RBFOX1: variants seen among roughly 807,000 people sequenced by gnomAD.
RBFOX1 encodes the protein RNA binding fox-1 homolog 1, also known as RNA binding protein fox-1 homolog 1.
A neutral mutation model predicts 57.7 loss-of-function variants in RBFOX1; 8 were observed. That is an observed-to-expected ratio of 0.14 (90% CI 0.08 to 0.25). The LOEUF is 0.25. RBFOX1 is among the 10% of genes least tolerant of loss of function. RBFOX1 has a pLI of 1.00. For missense variants in RBFOX1, 611 were observed against 548.5 expected (o/e 1.11, Z -1.14); for synonymous variants, 326 against 222.4 (o/e 1.47, Z -4.15).
Position 6,868,287 on chromosome 16 carries a change from A to C in RBFOX1, c.-15-183770A>C, listed in dbSNP as rs144558722. On this transcript the variant is annotated intron_variant, in intron 3 of 15. Coordinates refer to ENST00000550418, the MANE Select transcript of RBFOX1 (RefSeq NM_018723.4). The stretch of plus-strand genomic sequence containing the variant: ...GGAAGTGGCTTATAAGAAGATGGAC[A>C]CAGAAAGTGGTTTGCTGAAGTAAGA... Among the ~76,000 whole-genome samples the C allele has an allele frequency of 5.5e-3, 833 of 152,298 alleles. 16 individuals carry two copies. Among genetic ancestry groups the C allele is most frequent in the African/African-American group, 0.019 (799 of 41,558 alleles).
intron 3 of RBFOX1, among the ~76,000 whole-genome samples, chr16:6,961,769 G>A (rs1420614115): frequency 6.6e-6 from 1 of 152,150 alleles, no homozygotes; most frequent in Non-Finnish European, 1.5e-5. Context: ...AATTGTCATG[G>A]CACTAGTGAG....
chr16:6,204,800 T>C (rs2097242787), intron 1 of RBFOX1, among the ~76,000 whole-genome samples: 1 of 152,074 alleles, frequency 6.6e-6, no homozygotes, highest in Non-Finnish European at 1.5e-5. Flanking sequence ...CAGCACGTTG[T>C]GTGTGTGTGC....
intron 1 of RBFOX1, among the ~76,000 whole-genome samples, chr16:6,232,883 C>A (rs1418143746): frequency 6.6e-6 from 1 of 152,148 alleles, no homozygotes; most frequent in Non-Finnish European, 1.5e-5. Context: ...CATGTAGCAT[C>A]CACATGTCCA....
intron 3 of RBFOX1, among the ~76,000 whole-genome samples, chr16:5,834,209 G>C (rs576838350): frequency 6.6e-6 from 1 of 152,148 alleles, no homozygotes; most frequent in Non-Finnish European, 1.5e-5. Context: ...AGCTTTTAGT[G>C]TACTTCTCAT....
intron 1 of RBFOX1, among the ~76,000 whole-genome samples, chr16:6,067,378 AC>A (rs1555495033): frequency 0.25 from 18,950 of 74,688 alleles, 1,425 homozygotes; most frequent in African/African-American, 0.27. Flanking sequence ...GCAAAAACAA[AC>A]CAACCAAACA....
chr16:7,681,483 TAAG>T (rs2074731372), intron 14 of RBFOX1, among the ~76,000 whole-genome samples: 2 of 152,150 alleles, frequency 1.3e-5, no homozygotes, highest in African/African-American at 4.8e-5. Flanking sequence ...GGCCTCAGAT[TAAG>T]TAGTAGAGAA....
intron 2 of RBFOX1, among the ~76,000 whole-genome samples, chr16:5,525,592 G>A (rs2044214630): frequency 6.8e-6 from 1 of 147,668 alleles, no homozygotes; most frequent in Non-Finnish European, 1.5e-5. Flanking sequence ...CCACCTCTCA[G>A]GTGAAAGCAA....
intron 4 of RBFOX1, among the ~76,000 whole-genome samples, chr16:5,954,724 C>T (rs918258419): frequency 1.3e-4 from 20 of 152,148 alleles, no homozygotes; most frequent in African/African-American, 4.3e-4. Context: ...GCTATTATTT[C>T]ATCTCTGCCA....
At position 6,281,404 on chromosome 16, in the gene RBFOX1, C is replaced by T. The variant is rs750694263; in HGVS notation, c.-126-35591C>T. Among the ~76,000 whole-genome samples the T allele has an allele frequency of 2.0e-5, 3 of 152,218 alleles. No individual in the cohort carries two copies. The South Asian group carries it at 6.2e-4, about 32-fold the overall frequency. On this transcript the variant is annotated intron_variant, in intron 1 of 15. Transcript: ENST00000550418. ...CAGCCAGGATTTTCCACACCAACTC[C>T]GGAGCCCACGCCTTGTAATACCACG...
chr16:5,553,937 T>TATAATA (rs1386601458), intron 2 of RBFOX1, among the ~76,000 whole-genome samples: 3 of 151,816 alleles, frequency 2.0e-5, no homozygotes, highest in Non-Finnish European at 4.4e-5. Context: ...AGACATGTCT[T>TATAATA]ATAATAATCA....
In RBFOX1 at chr16:5,651,117, A is replaced by G. The variant is rs185291968; in HGVS notation, c.318+52156A>G. 2.0e-4 allele frequency among the ~76,000 whole-genome samples: 24 copies of G among 118,732 alleles called. 1 individual carries two copies. Among genetic ancestry groups the G allele is most frequent in the African/African-American group, 7.7e-4 (23 of 29,694 alleles). 77.9% of individuals were successfully genotyped at this position (118,732 alleles called of 152,430 possible). On this transcript the variant is annotated intron_variant, in intron 3 of 19. Transcript: ENST00000641259. The stretch of plus-strand genomic sequence containing the variant: ...ACCCAGGCTGGAGTGCAGTGGCGTG[A>G]TCTCAGGTCACTGCAACCTCTGCCT...
chr16:6,166,761 C>T (rs76674548), intron 1 of RBFOX1, among the ~76,000 whole-genome samples: 9,876 of 152,002 alleles, frequency 0.065, 802 homozygotes, highest in African/African-American at 0.19. Context: ...TGCCCAGCCC[C>T]GTGGGGTTTT....
At chr16:7,666,488 A>G (rs1171216041) in intron 13 of RBFOX1, among the ~76,000 whole-genome samples, 5 of 152,156 alleles carry the variant, frequency 3.3e-5, no homozygotes, top group Non-Finnish European at 4.4e-5. Context: ...CAAACTGACA[A>G]TAATTTATTG....
At chr16:6,996,961 G>C (rs1476082717) in intron 3 of RBFOX1, among the ~76,000 whole-genome samples, 1 of 152,022 alleles carries the variant, frequency 6.6e-6, no homozygotes, top group East Asian at 1.9e-4. Context: ...TATCAAGAAA[G>C]TTTATAGGCA....
intron 1 of RBFOX1, among the ~76,000 whole-genome samples, chr16:5,342,990 G>C (rs1021033176): frequency 1.3e-5 from 2 of 152,140 alleles, no homozygotes; most frequent in African/African-American, 4.8e-5. Flanking sequence ...GATCGGTTCA[G>C]GGTTGGGCAT....
intron 1 of RBFOX1, among the ~76,000 whole-genome samples, chr16:6,119,647 T>G (rs1045410233): frequency 3.3e-5 from 5 of 152,192 alleles, no homozygotes; most frequent in Non-Finnish European, 7.3e-5. Context: ...ATTTTGAAGG[T>G]GAGCTATAAT....
At chr16:6,918,725 C>T (rs1199708720) in intron 3 of RBFOX1, among the ~76,000 whole-genome samples, 1 of 152,158 alleles carries the variant, frequency 6.6e-6, no homozygotes, top group Admixed American at 6.5e-5. Flanking sequence ...CTTCCGAATG[C>T]AGACAACATG....
chr16:7,354,555 C>G (rs73565849), intron 4 of RBFOX1, among the ~76,000 whole-genome samples: 7 of 152,118 alleles, frequency 4.6e-5, no homozygotes, highest in African/African-American at 1.4e-4. Context: ...CTTCTAAACT[C>G]AGCTTTTCAA....
intron 4 of RBFOX1, among the ~76,000 whole-genome samples, chr16:7,149,822 A>G (rs1173066302): frequency 6.6e-6 from 1 of 152,030 alleles, no homozygotes. Context: ...TTCCTACTGA[A>G]GACTCCCCAA....
Sources: allele counts gnomAD v4.1 joint callset (sites outside exome capture counted in the v4.1 genomes callset), GRCh38; gene constraint gnomAD v4.1.1; transcripts MANE v1.5; gene names NCBI Gene and HGNC (gene_info 2026-07-23, HGNC 2026-07-21).